GSE1: variants seen among roughly 807,000 people sequenced by gnomAD.
GSE1 encodes the protein Gse1 coiled-coil protein, also known as genetic suppressor element 1.
GSE1 carries 32 observed loss-of-function variants against 112.6 expected under a neutral mutation model. That is an observed-to-expected ratio of 0.28 (90% CI 0.21 to 0.38). The LOEUF is 0.38. GSE1 is among the 10% of genes least tolerant of loss of function. The pLI, the probability that GSE1 is intolerant of heterozygous loss-of-function variation, is 1.00. For synonymous variants in GSE1, 1,115 were observed against 735.6 expected (o/e 1.52, Z -8.35); for missense variants, 2,348 against 1,699.2 (o/e 1.38, Z -6.71).
chr16:85,457,582 G>A, intron 2 of GSE1, among the ~76,000 whole-genome samples: 1 of 152,246 alleles, frequency 6.6e-6, no homozygotes, highest in East Asian at 1.9e-4. Flanking sequence ...GGCAAGGGCT[G>A]GACGGGCTCC....
At chr16:85,531,744 G>C (rs576162684) in intron 2 of GSE1, among the ~76,000 whole-genome samples, 2 of 152,332 alleles carry the variant, frequency 1.3e-5, no homozygotes, top group East Asian at 3.9e-4. Flanking sequence ...TCTCCCCCAG[G>C]ATGGACCGGA....
At chr16:85,294,676 C>G (rs554379799) in intron 1 of GSE1, among the ~76,000 whole-genome samples, 15 of 133,654 alleles carry the variant, frequency 1.1e-4, no homozygotes, top group Non-Finnish European at 1.7e-4. Context: ...TCTCTCCCCC[C>G]CCTTCCCTCC....
chr16:85,618,927 GCACTGGAGTTACAGGCATGAGC>G (rs2048550419), intron 1 of GSE1, among the ~76,000 whole-genome samples: 1 of 152,212 alleles, frequency 6.6e-6, no homozygotes, highest in African/African-American at 2.4e-5. Context: ...GCCTCCCAAA[GCACTGGAGTTACAGGCATGAGC>G]CACTGTGTCC....
At chr16:85,548,459 A>T (rs186661352) in intron 2 of GSE1, among the ~76,000 whole-genome samples, 1 of 151,792 alleles carries the variant, frequency 6.6e-6, no homozygotes, top group Non-Finnish European at 1.5e-5. Context: ...CATGAGATCC[A>T]CTTTCTTAGT....
intron 2 of GSE1, among the ~76,000 whole-genome samples, chr16:85,468,855 C>T (rs1289919909): frequency 6.6e-6 from 1 of 152,170 alleles, no homozygotes; most frequent in East Asian, 1.9e-4. Context: ...AGGGCCACCC[C>T]CAAAATTCAC....
At chr16:85,448,116 G>C (rs1415056722) in intron 2 of GSE1, among the ~76,000 whole-genome samples, 1 of 152,182 alleles carries the variant, frequency 6.6e-6, no homozygotes, top group East Asian at 1.9e-4. Flanking sequence ...TCCTCCGCCT[G>C]CCCTGCCCGC....
At chr16:85,655,108 A>G (rs2051806747) in intron 5 of GSE1, 117 bp downstream of exon 5, 2 of 719,746 alleles carry the variant, frequency 2.8e-6, no homozygotes, top group Non-Finnish European at 4.8e-6. Flanking sequence ...GGGAGGGTCT[A>G]GAGTAGCCCC....
chr16:85,321,256 C>T (rs879269001), intron 1 of GSE1, among the ~76,000 whole-genome samples: 3 of 152,072 alleles, frequency 2.0e-5, no homozygotes, highest in Non-Finnish European at 4.4e-5. Flanking sequence ...CTTGTGGAAT[C>T]CCAAGGGGTC....
chr16:85,398,978 A>T (rs2048029621), intron 2 of GSE1, among the ~76,000 whole-genome samples: 1 of 152,076 alleles, frequency 6.6e-6, no homozygotes, highest in South Asian at 2.1e-4. Context: ...TGTGTGTAGC[A>T]TGTGCATATG....
chr16:85,172,713 C>T (rs1236189661), intron 1 of GSE1, among the ~76,000 whole-genome samples: 1 of 152,234 alleles, frequency 6.6e-6, no homozygotes, highest in African/African-American at 2.4e-5. Flanking sequence ...GTAGTGGCAG[C>T]TGCTGGCCAT....
intron 2 of GSE1, among the ~76,000 whole-genome samples, chr16:85,493,209 A>G (rs1306510632): frequency 6.6e-6 from 1 of 152,200 alleles, no homozygotes; most frequent in African/African-American, 2.4e-5. Flanking sequence ...AAGACTCTGT[A>G]TTAGCTGAGG....
At chr16:85,610,553 G>C (rs529770033), upstream of GSE1, among the ~76,000 whole-genome samples, 104 of 152,348 alleles carry the variant, frequency 6.8e-4, no homozygotes, top group African/African-American at 2.4e-3. Flanking sequence ...CTCGGAGGCC[G>C]TGCTCCGGAT....
At chr16:85,342,866 C>G (rs529508730) in intron 1 of GSE1, among the ~76,000 whole-genome samples, 2 of 151,298 alleles carry the variant, frequency 1.3e-5, no homozygotes, top group South Asian at 4.2e-4. Context: ...GGCACCCCCT[C>G]TCCATGCACA....
chr16:85,381,873 C>T (rs1567723836), intron 2 of GSE1, among the ~76,000 whole-genome samples: 1 of 152,246 alleles, frequency 6.6e-6, no homozygotes, highest in Non-Finnish European at 1.5e-5. Context: ...CTCTCCCTGT[C>T]AGGGTCCCCT....
chr16:85,656,265 T>G (rs1424726991), intron 6 of GSE1, 78 bp from the exon 7 acceptor site: 1 of 1,552,944 alleles, frequency 6.4e-7, no homozygotes, highest in African/African-American at 1.4e-5. Flanking sequence ...TTCCTGGTTA[T>G]GCTTTTTAAG....
intron 2 of GSE1, among the ~76,000 whole-genome samples, chr16:85,431,750 T>A (rs954616755): frequency 2.0e-5 from 3 of 152,290 alleles, no homozygotes; most frequent in Admixed American, 2.0e-4. Context: ...CCAGAGGGTA[T>A]CTGGGCCGCC....
intron 1 of GSE1, among the ~76,000 whole-genome samples, chr16:85,337,376 G>A (rs1481175426): frequency 6.6e-6 from 1 of 150,696 alleles, no homozygotes; most frequent in Non-Finnish European, 1.5e-5. Flanking sequence ...CGCGATCTCG[G>A]CTCACTGCAA....
intron 2 of GSE1, among the ~76,000 whole-genome samples, chr16:85,374,451 G>A (rs765349225): frequency 1.1e-4 from 16 of 151,968 alleles, no homozygotes; most frequent in Middle Eastern, 3.2e-3. Flanking sequence ...CTGTGTCCAT[G>A]TGCATTTTTG....
intron 2 of GSE1, among the ~76,000 whole-genome samples, chr16:85,389,684 C>G (rs1272943481): frequency 2.0e-5 from 3 of 152,148 alleles, no homozygotes; most frequent in Non-Finnish European, 4.4e-5. Context: ...GGCTGAGCCC[C>G]CAAGGTCTTC....
Sources: allele counts gnomAD v4.1 joint callset (sites outside exome capture counted in the v4.1 genomes callset), GRCh38; gene constraint gnomAD v4.1.1; transcripts MANE v1.5; gene names NCBI Gene and HGNC (gene_info 2026-07-23, HGNC 2026-07-21).